KCNQ3: variants seen among roughly 807,000 people sequenced by gnomAD.
The protein encoded by KCNQ3 is potassium voltage-gated channel subfamily KQT member 3.
A neutral mutation model predicts 92.5 loss-of-function variants in KCNQ3; 30 were observed. The ratio of observed to expected loss-of-function variants is 0.32; its 90% CI spans 0.24 to 0.44. The LOEUF (loss-of-function observed/expected upper bound fraction) is 0.44, where lower values mean the gene tolerates loss of function less well. Among genes scored for constraint, KCNQ3 ranks in the 20% least tolerant of loss-of-function variants. The pLI is 1.00. For synonymous variants in KCNQ3, 450 were observed against 468.8 expected, an observed-to-expected ratio of 0.96 and a Z score of 0.52; for missense variants, 913 against 1,140.3, an observed-to-expected ratio of 0.80 and a Z score of 2.87.
rs1824701554 is a variant in KCNQ3, at chr8:132,127,284, C to A, written c.*1978G>T. 6.6e-6 allele frequency: 1 copy of A among 152,216 alleles called. No homozygotes were observed. The highest frequency in any genetic ancestry group is 1.5e-5 in the Non-Finnish European group (1 of 68,054). 9.4% of individuals were successfully genotyped at this position (152,216 alleles called of 1,614,324 possible). On this transcript the variant is annotated 3_prime_UTR_variant, in exon 15 of 15. Transcript: ENST00000388996. ...CCATCTCAGACTTCAAGGTCTACACCCATCCATTTATGGGGCTCTCCATAA... is the reference window on the plus strand; with the variant it reads ...CCATCTCAGACTTCAAGGTCTACACACATCCATTTATGGGGCTCTCCATAA...
chr8:132,186,139 G>T lies in KCNQ3; in HGVS notation c.429C>A (p.Thr143=), dbSNP rs1257391946. ...VLGCLILAVL[T]TFKEYETVSG... is the part of the protein sequence containing the mutation. The stretch of plus-strand genomic sequence containing the variant: ...AGACAGTCTCATACTCCTTGAATGT[G>T]GTCAGGACAGCCAGAATCAAGCACC... Residue 143 remains threonine (T), a synonymous_variant, in exon 2 of 15, where the codon ACC becomes ACA. Transcript: ENST00000388996. The T allele has an allele frequency of 1.2e-6, 2 of 1,613,780 alleles. No homozygotes were observed. Among genetic ancestry groups the T allele is most frequent in the Non-Finnish European group, 1.7e-6 (2 of 1,179,830 alleles).
chr8:132,185,940 G>A, intron 2 of KCNQ3, 151 bp downstream of exon 2: 1 of 696,806 alleles, frequency 1.4e-6, no homozygotes, highest in Non-Finnish European at 2.6e-6. Context: ...GCCATACCAA[G>A]TAATGGAGGC....
intron 9 of KCNQ3, among the ~76,000 whole-genome samples, chr8:132,155,041 C>G (rs1030009373): frequency 1.3e-5 from 2 of 152,188 alleles, no homozygotes; most frequent in South Asian, 4.1e-4. Flanking sequence ...TCAGTGGATT[C>G]TTCCCTGTTC....
intron 1 of KCNQ3, among the ~76,000 whole-genome samples, chr8:132,280,545 C>T (rs1464196385): frequency 6.6e-6 from 1 of 152,154 alleles, no homozygotes; most frequent in Non-Finnish European, 1.5e-5. Flanking sequence ...GATCTGCCTC[C>T]ATGACCCGAA....
intron 1 of KCNQ3, among the ~76,000 whole-genome samples, chr8:132,468,312 A>T (rs1563922079): frequency 1.3e-5 from 2 of 152,218 alleles, no homozygotes; most frequent in South Asian, 4.1e-4. Flanking sequence ...ATTAGGACAC[A>T]TGGCCTGGGC....
At chr8:132,186,249 G>T in intron 1 of KCNQ3, 68 bp from the exon 2 acceptor site, 3 of 1,122,198 alleles carry the variant, frequency 2.7e-6, no homozygotes, top group Non-Finnish European at 4.1e-6. Flanking sequence ...CTAAGATGGG[G>T]AAAGGTGTCT....
rs189538269 is a variant in KCNQ3 at position 132,409,353 on chromosome 8, C to G, written c.386+70794G>C. On this transcript the variant is annotated intron_variant, in intron 1 of 14. Coordinates refer to ENST00000388996, the MANE Select transcript of KCNQ3 (RefSeq NM_004519.4). ...AGGTGACACAGATACAGTTCCTGATCCCCTGACCTTGGACCAAAATGTCAC... is the reference window on the plus strand; with the variant it reads ...AGGTGACACAGATACAGTTCCTGATGCCCTGACCTTGGACCAAAATGTCAC... 2.4e-4 allele frequency among the ~76,000 whole-genome samples: 36 copies of G among 152,248 alleles called. 1 individual carries two copies. The highest frequency in any genetic ancestry group is 8.7e-4 in the African/African-American group (36 of 41,536).
At chr8:132,377,568 T>C (rs1336477074) in intron 1 of KCNQ3, among the ~76,000 whole-genome samples, 2 of 152,166 alleles carry the variant, frequency 1.3e-5, no homozygotes, top group Non-Finnish European at 2.9e-5. Flanking sequence ...TGTCACACTC[T>C]ACTGAAATTG....
At chr8:132,140,284 C>T in intron 10 of KCNQ3, 106 bp from the exon 11 acceptor site, 1 of 731,036 alleles carries the variant, frequency 1.4e-6, no homozygotes, top group South Asian at 1.6e-5. Flanking sequence ...TGTCAATCCC[C>T]AGAGTCTTTA....
intron 1 of KCNQ3, among the ~76,000 whole-genome samples, chr8:132,454,670 T>C (rs753184108): frequency 3.3e-5 from 5 of 152,008 alleles, no homozygotes; most frequent in Non-Finnish European, 5.9e-5. Context: ...GAGCAGCAGA[T>C]GAAATGGGCT....
intron 1 of KCNQ3, among the ~76,000 whole-genome samples, chr8:132,262,885 A>G (rs185597756): frequency 1.3e-5 from 2 of 152,338 alleles, no homozygotes; most frequent in Non-Finnish European, 2.9e-5. Context: ...ACTATGTGAC[A>G]TTGATCGGCT....
intron 1 of KCNQ3, among the ~76,000 whole-genome samples, chr8:132,250,777 C>A (rs1815381508): frequency 6.6e-6 from 1 of 152,158 alleles, no homozygotes; most frequent in Non-Finnish European, 1.5e-5. Flanking sequence ...TGGCTTCAAC[C>A]TGGCAAAACG....
chr8:132,230,929 G>A (rs1814626566), intron 1 of KCNQ3, among the ~76,000 whole-genome samples: 1 of 152,180 alleles, frequency 6.6e-6, no homozygotes, highest in Non-Finnish European at 1.5e-5. Flanking sequence ...TTTGGAAACA[G>A]GGTCTTACCA....
At chr8:132,428,368 C>T (rs920702799) in intron 1 of KCNQ3, among the ~76,000 whole-genome samples, 4 of 152,298 alleles carry the variant, frequency 2.6e-5, no homozygotes, top group African/African-American at 9.6e-5. Context: ...GGAAGCACAC[C>T]CTCTCAACCA....
chr8:132,172,022 G>T (rs1388540462), intron 7 of KCNQ3, among the ~76,000 whole-genome samples: 1 of 151,936 alleles, frequency 6.6e-6, no homozygotes, highest in Admixed American at 6.6e-5. Flanking sequence ...AATTAACCAG[G>T]TCTAGTGGTG....
intron 1 of KCNQ3, among the ~76,000 whole-genome samples, chr8:132,396,725 C>T (rs1003472694): frequency 2.6e-5 from 4 of 152,210 alleles, no homozygotes; most frequent in Middle Eastern, 3.4e-3. Flanking sequence ...ATTCTGCTAT[C>T]GTCATTAAGA....
chr8:132,159,784 G>T (rs1281034423), intron 9 of KCNQ3, among the ~76,000 whole-genome samples: 1 of 152,152 alleles, frequency 6.6e-6, no homozygotes, highest in South Asian at 2.1e-4. Context: ...CTCAGTTTAA[G>T]TTGGGTGGAA....
At chr8:132,370,194 A>G (rs1250105273) in intron 1 of KCNQ3, among the ~76,000 whole-genome samples, 1 of 152,202 alleles carries the variant, frequency 6.6e-6, no homozygotes, top group African/African-American at 2.4e-5. Context: ...GAAGCACTCA[A>G]TAAATATCCA....
At position 132,312,659 on chromosome 8, in the gene KCNQ3, TC is replaced by T. The variant is rs1817629054; in HGVS notation, c.387-126479del. 2.0e-5 allele frequency among the ~76,000 whole-genome samples: 3 copies of T among 152,162 alleles called. No homozygotes were observed. The South Asian group carries it at 6.2e-4, about 32-fold the overall frequency. On this transcript the variant is annotated intron_variant, in intron 1 of 14. Coordinates refer to ENST00000388996, the MANE Select transcript of KCNQ3 (RefSeq NM_004519.4). ...AGGTGACTGGATCATGGGGGCGGTT[TC>T]CCCCATGTTGTTCTTGTGATAGTGA...
Sources: gnomAD v4.1 joint callset for allele counts (sites outside exome capture counted in the v4.1 genomes callset) on GRCh38, gnomAD v4.1.1 for gene constraint, MANE v1.5 for transcripts, NCBI Gene and HGNC (gene_info 2026-07-23, HGNC 2026-07-21) for gene names.